NR5A2: variants seen among roughly 807,000 people sequenced by gnomAD.
NR5A2 encodes the protein nuclear receptor subfamily 5 group A member 2, also known as CYP7A promoter-binding factor.
A neutral mutation model predicts 62.7 loss-of-function variants in NR5A2; 26 were observed. That is an observed-to-expected ratio of 0.41 (90% CI 0.30 to 0.58). The LOEUF (loss-of-function observed/expected upper bound fraction) is 0.58. Ranked by LOEUF, NR5A2 falls within the 20% of genes least tolerant of loss-of-function variation. NR5A2 has a pLI of 0.22. For missense variants in NR5A2, 541 were observed against 669.1 expected (o/e 0.81, Z 2.11); for synonymous variants, 246 against 241.7 (o/e 1.02, Z -0.16).
At chr1:200,096,092 TTTTGTTTG>T (rs369506434) in intron 5 of NR5A2, among the ~76,000 whole-genome samples, 1 of 151,852 alleles carries the variant, frequency 6.6e-6, no homozygotes, top group Non-Finnish European at 1.5e-5. Flanking sequence ...TGCTGCTTTA[TTTTGTTTG>T]TTTGTTTGTT....
intron 7 of NR5A2, among the ~76,000 whole-genome samples, chr1:200,134,450 A>G (rs1316652758): frequency 6.6e-6 from 1 of 152,192 alleles, no homozygotes; most frequent in African/African-American, 2.4e-5. Flanking sequence ...CTGTGTTACA[A>G]CTGCCTTCGA....
At chr1:200,109,796 G>T (rs1665854533) in intron 5 of NR5A2, among the ~76,000 whole-genome samples, 1 of 152,174 alleles carries the variant, frequency 6.6e-6, no homozygotes, top group African/African-American at 2.4e-5. Context: ...ATGGAATCTT[G>T]CTCTGTCACC....
At chr1:200,072,318 ATAAATT>A (rs1474757932) in intron 5 of NR5A2, among the ~76,000 whole-genome samples, 3 of 152,170 alleles carry the variant, frequency 2.0e-5, no homozygotes, top group Non-Finnish European at 4.4e-5. Context: ...TAGCAATCAG[ATAAATT>A]TAAAGTTATA....
chr1:200,054,325 C>T lies in NR5A2; in HGVS notation c.1110+5507C>T, dbSNP rs149504630. Among the ~76,000 whole-genome samples, 723 of 150,658 alleles carry T rather than the reference C, an allele frequency of 4.8e-3. 4 individuals are homozygous for T. The highest frequency in any genetic ancestry group is 8.3e-3 in the Non-Finnish European group (567 of 67,994). ...TTTTGTATTCTGCTGAAAGAGCTGTCCTTGTGAGTCAAGAAGATTGGCTTT... is the reference window on the plus strand; with the variant it reads ...TTTTGTATTCTGCTGAAAGAGCTGTTCTTGTGAGTCAAGAAGATTGGCTTT... On this transcript the variant is annotated intron_variant, in intron 5 of 7. Transcript: ENST00000367362.
chr1:200,119,100 G>T (rs909748672), intron 6 of NR5A2, among the ~76,000 whole-genome samples: 3 of 152,078 alleles, frequency 2.0e-5, no homozygotes, highest in African/African-American at 7.2e-5. Context: ...CACCTTTGGG[G>T]GTCATCTTTC....
chr1:200,143,054 T>C (rs142515282), intron 7 of NR5A2, among the ~76,000 whole-genome samples: 1 of 152,206 alleles, frequency 6.6e-6, no homozygotes, highest in African/African-American at 2.4e-5. Context: ...TATGTGTGTG[T>C]GTGTGTGGTT....
chr1:200,082,222 A>G (rs1664329121), intron 5 of NR5A2, among the ~76,000 whole-genome samples: 1 of 152,332 alleles, frequency 6.6e-6, no homozygotes, highest in Non-Finnish European at 1.5e-5. Context: ...CTCTAGAAAA[A>G]ATCTCCTGAT....
At chr1:200,063,348 C>T (rs550743238) in intron 5 of NR5A2, among the ~76,000 whole-genome samples, 94 of 151,916 alleles carry the variant, frequency 6.2e-4, no homozygotes, top group African/African-American at 1.3e-3. Context: ...TTAGTAGAGA[C>T]GGGGTTTCAC....
At chr1:200,140,913 C>T (rs1667416680) in intron 7 of NR5A2, among the ~76,000 whole-genome samples, 1 of 152,134 alleles carries the variant, frequency 6.6e-6, no homozygotes, top group Non-Finnish European at 1.5e-5. Context: ...TGCCTATAAT[C>T]CCAGCTACTT....
chr1:200,052,893 G>T (rs1169982868), intron 5 of NR5A2, among the ~76,000 whole-genome samples: 1 of 152,162 alleles, frequency 6.6e-6, no homozygotes. Flanking sequence ...GCCCGCCTTG[G>T]CCTCCCAAAG....
chr1:200,161,744 T>G (rs937570457), intron 7 of NR5A2, among the ~76,000 whole-genome samples: 12 of 152,210 alleles, frequency 7.9e-5, no homozygotes, highest in Non-Finnish European at 1.5e-4. Context: ...TAAAATTGCT[T>G]AAGAGTCTAA....
In NR5A2 at chr1:200,084,052, T is replaced by G. The variant is rs1368618474; in HGVS notation, c.1111-27150T>G. On this transcript the variant is annotated intron_variant, in intron 5 of 7. Coordinates refer to ENST00000367362, the MANE Select transcript of NR5A2 (RefSeq NM_205860.3). The stretch of plus-strand genomic sequence containing the variant: ...TAGGGTAGGTCAGATATTCTTAAGA[T>G]TCCTTCTTTCATTCAGTAAATACTT... Among the ~76,000 whole-genome samples the G allele has an allele frequency of 4.0e-5, 6 of 151,430 alleles. No individual in the cohort carries two copies. In the South Asian group the frequency reaches 1.3e-3, roughly 32 times the overall value.
At chr1:200,141,969 C>G (rs1329674613) in intron 7 of NR5A2, among the ~76,000 whole-genome samples, 1 of 152,130 alleles carries the variant, frequency 6.6e-6, no homozygotes, top group Non-Finnish European at 1.5e-5. Context: ...TTCTGCTATT[C>G]TCTTTTCATA....
chr1:200,046,137 A>G (rs551134117), intron 4 of NR5A2, among the ~76,000 whole-genome samples: 1 of 152,280 alleles, frequency 6.6e-6, no homozygotes, highest in East Asian at 1.9e-4. Flanking sequence ...TTAAAAGATA[A>G]TGACTGAGGC....
chr1:200,160,344 G>A (rs529725995), intron 7 of NR5A2, among the ~76,000 whole-genome samples: 1 of 152,300 alleles, frequency 6.6e-6, no homozygotes, highest in South Asian at 2.1e-4. Flanking sequence ...GGTTTATTCT[G>A]AAGATAGCAC....
Position 200,052,548 on chromosome 1 carries a change from T to C in NR5A2, c.1110+3730T>C, listed in dbSNP as rs189616115. ...ACAGCAAATTACCTATCAAGTGATA[T>C]ACTTATTGGACAGATTTTTTATACC... On this transcript the variant is annotated intron_variant, in intron 5 of 7. Transcript: ENST00000367362. Among the ~76,000 whole-genome samples the C allele has an allele frequency of 6.0e-4, 92 of 152,294 alleles. 1 individual carries two copies. The highest frequency in any genetic ancestry group is 2.2e-3 in the African/African-American group (90 of 41,576).
intron 7 of NR5A2, among the ~76,000 whole-genome samples, chr1:200,144,214 TTCTC>T (rs143043558): frequency 0.14 from 19,129 of 134,760 alleles, 1,563 homozygotes; most frequent in Admixed American, 0.2. Flanking sequence ...CCAGCACTGT[TTCTC>T]TCTCTCTCTC....
rs569024518 is a variant in NR5A2, at chr1:200,148,264, C to T, written c.1379-25699C>T. 2.4e-5 allele frequency: 5 copies of T among 206,754 alleles called. No individual in the cohort carries two copies. The South Asian group carries it at 4.8e-4, about 20-fold the overall frequency. The allele number at this position is 206,754 out of a possible 1,614,324, so 12.8% of individuals were successfully genotyped here. A position where few individuals can be genotyped will look rare whatever the true frequency, so the allele number is the denominator to read the frequency against. On this transcript the variant is annotated intron_variant, in intron 7 of 7. Transcript: ENST00000367362. ...CAAAGGAAGCCGGCCACAGCATTCC[C>T]TCGGAGGGCAGCCATGGCTCTCCTG...
intron 5 of NR5A2, among the ~76,000 whole-genome samples, chr1:200,062,394 A>C (rs371584015): frequency 1.3e-5 from 2 of 152,168 alleles, no homozygotes; most frequent in East Asian, 3.8e-4. Context: ...AAACTGCTAC[A>C]AATGCTTCTT....
Sources: allele counts gnomAD v4.1 joint callset (sites outside exome capture counted in the v4.1 genomes callset), GRCh38; gene constraint gnomAD v4.1.1; transcripts MANE v1.5; gene names NCBI Gene and HGNC (gene_info 2026-07-23, HGNC 2026-07-21).